PRELID2: variants seen among roughly 807,000 people sequenced by gnomAD.
PRELID2 encodes PRELI domain-containing protein 2.
PRELID2 carries 25 observed loss-of-function variants against 28.4 expected under a neutral mutation model. The ratio of observed to expected loss-of-function variants is 0.88; its 90% CI spans 0.64 to 1.23. The LOEUF is 1.23. Ranked by LOEUF, PRELID2 falls within the 50% of genes most tolerant of loss-of-function variation. The pLI is 0.00. For missense variants in PRELID2, 201 were observed against 214.4 expected, an observed-to-expected ratio of 0.94 and a Z score of 0.39; for synonymous variants, 76 against 71.6, an observed-to-expected ratio of 1.06 and a Z score of -0.31.
At chr5:145,370,864 T>G in the PRELID2 span, among the ~76,000 whole-genome samples, 6 of 152,234 alleles carry the variant, frequency 3.9e-5, no homozygotes, top group East Asian at 1.2e-3. Flanking sequence ...AGGTATTTTA[T>G]TCTCTTTGTA....
the PRELID2 span, among the ~76,000 whole-genome samples, chr5:145,378,911 G>A: frequency 4.6e-5 from 7 of 152,044 alleles, no homozygotes; most frequent in Non-Finnish European, 8.8e-5. Flanking sequence ...TTTCATCTTT[G>A]TGGGCTTATC....
chr5:145,770,846 G>T (rs184676677), intron 5 of PRELID2, among the ~76,000 whole-genome samples: 1 of 152,112 alleles, frequency 6.6e-6, no homozygotes, highest in East Asian at 1.9e-4. Flanking sequence ...TTAAGCTAAC[G>T]GTTATAACAA....
the PRELID2 span, among the ~76,000 whole-genome samples, chr5:145,272,760 G>A: frequency 6.6e-6 from 1 of 152,104 alleles, no homozygotes; most frequent in Non-Finnish European, 1.5e-5. Context: ...ACCATTGATA[G>A]ATGATATCAA....
At chr5:145,410,817 T>G in the PRELID2 span, among the ~76,000 whole-genome samples, 1 of 152,162 alleles carries the variant, frequency 6.6e-6, no homozygotes, top group African/African-American at 2.4e-5. Flanking sequence ...AAAAACACAG[T>G]CATACCTTTT....
chr5:145,683,087 A>C (rs1436484711), intron 1 of PRELID2, among the ~76,000 whole-genome samples: 1 of 152,208 alleles, frequency 6.6e-6, no homozygotes, highest in East Asian at 1.9e-4. Context: ...GCAGTCAGAG[A>C]AGACCAGTAT....
At chr5:145,709,914 C>A (rs1487191388) in intron 1 of PRELID2, among the ~76,000 whole-genome samples, 1 of 152,136 alleles carries the variant, frequency 6.6e-6, no homozygotes, top group African/African-American at 2.4e-5. Flanking sequence ...CAGTTTTCTT[C>A]TAATAAAGAG....
intron 1 of PRELID2, among the ~76,000 whole-genome samples, chr5:145,476,969 G>GA (rs376179840): frequency 1.3e-5 from 2 of 152,100 alleles, no homozygotes; most frequent in African/African-American, 4.8e-5. Context: ...GTAGCTCATA[G>GA]AAAAAACATA....
intron 2 of PRELID2, among the ~76,000 whole-genome samples, chr5:145,822,244 A>G (rs1350792182): frequency 6.6e-6 from 1 of 152,210 alleles, no homozygotes; most frequent in Admixed American, 6.5e-5. Context: ...AAACACTGAC[A>G]CTAATAATGG....
At chr5:145,595,398 G>GC (rs1753291046) in intron 1 of PRELID2, among the ~76,000 whole-genome samples, 1 of 152,114 alleles carries the variant, frequency 6.6e-6, no homozygotes, top group Admixed American at 6.5e-5. Flanking sequence ...TAGTTTGGAA[G>GC]CACCAAATCA....
chr5:145,244,678 G>A, the PRELID2 span, among the ~76,000 whole-genome samples: 12,728 of 152,060 alleles, frequency 0.084, 1,167 homozygotes, highest in African/African-American at 0.23. Context: ...TCATAGCAGG[G>A]AAGGTCTTAA....
chr5:145,307,321 C>A, the PRELID2 span, among the ~76,000 whole-genome samples: 1 of 152,206 alleles, frequency 6.6e-6, no homozygotes, highest in South Asian at 2.1e-4. Flanking sequence ...GAGGCTCACA[C>A]AGCAGGTGGC....
chr5:145,657,200 G>A (rs1754410815), intron 1 of PRELID2, among the ~76,000 whole-genome samples: 1 of 152,110 alleles, frequency 6.6e-6, no homozygotes, highest in Non-Finnish European at 1.5e-5. Flanking sequence ...TGCATGCAAG[G>A]ATTTAGTGTT....
At chr5:145,698,588 G>A (rs1037435245) in intron 1 of PRELID2, among the ~76,000 whole-genome samples, 3 of 152,172 alleles carry the variant, frequency 2.0e-5, no homozygotes, top group Non-Finnish European at 2.9e-5. Flanking sequence ...GAACAGTGCC[G>A]TTTCGCTGTG....
intron 1 of PRELID2, among the ~76,000 whole-genome samples, chr5:145,745,944 C>G (rs992496696): frequency 2.0e-5 from 3 of 152,046 alleles, no homozygotes; most frequent in African/African-American, 7.3e-5. Flanking sequence ...AAAATAAAAT[C>G]CTTTCCAGAC....
At position 145,476,593 on chromosome 5, in the gene PRELID2, C is replaced by G. The variant is rs1025957819; in HGVS notation, n.71-3278G>C. Among the ~76,000 whole-genome samples, 3 of 151,458 alleles carry G rather than the reference C, an allele frequency of 2.0e-5. No homozygotes were observed. In the South Asian group the frequency reaches 6.3e-4, roughly 32 times the overall value. Reference sequence around the variant, plus strand: ...CCCGGAGGTGGAGGTTACAGTGAGCCGAGATTGCGCCACTGCACTCCAGCC... The same window carrying G: ...CCCGGAGGTGGAGGTTACAGTGAGCGGAGATTGCGCCACTGCACTCCAGCC... On this transcript the variant is annotated intron_variant and non_coding_transcript_variant, in intron 1 of 2. Transcript: ENST00000510259.
chr5:145,321,245 C>A, the PRELID2 span, among the ~76,000 whole-genome samples: 1 of 152,242 alleles, frequency 6.6e-6, no homozygotes, highest in Non-Finnish European at 1.5e-5. Flanking sequence ...CTATTACATA[C>A]ATTTTTTTTA....
chr5:145,752,682 T>C (rs996982377), downstream of PRELID2, among the ~76,000 whole-genome samples: 3 of 152,220 alleles, frequency 2.0e-5, no homozygotes, highest in African/African-American at 7.2e-5. Flanking sequence ...GGGTTCTTAG[T>C]TTCTTTCTTC....
the PRELID2 span, among the ~76,000 whole-genome samples, chr5:145,245,490 G>A: frequency 3.9e-5 from 6 of 151,932 alleles, no homozygotes. Flanking sequence ...GAACTTTGAC[G>A]TGGTTTTTCT....
downstream of PRELID2, among the ~76,000 whole-genome samples, chr5:145,469,962 A>G (rs192975259): frequency 6.6e-6 from 1 of 152,272 alleles, no homozygotes; most frequent in Non-Finnish European, 1.5e-5. Flanking sequence ...ATATATTCAC[A>G]TATATATTAT....
Sources: gnomAD v4.1 joint callset for allele counts (sites outside exome capture counted in the v4.1 genomes callset) on GRCh38, gnomAD v4.1.1 for gene constraint, MANE v1.5 for transcripts, NCBI Gene and HGNC (gene_info 2026-07-23, HGNC 2026-07-21) for gene names.